Variants in ALOX12B observed in about 807,000 individuals in gnomAD.
ALOX12B encodes arachidonate 12-lipoxygenase, 12R type, also known as arachidonate 12-lipoxygenase, 12R-type.
In ALOX12B, 47 loss-of-function variants were observed where a neutral mutation model predicts 78.9. That is an observed-to-expected ratio of 0.60 (90% confidence interval 0.47 to 0.76). The LOEUF (loss-of-function observed/expected upper bound fraction) is 0.76. Ranked by LOEUF, ALOX12B falls within the 30% of genes least tolerant of loss-of-function variation. The pLI is 0.00. For missense variants in ALOX12B, 805 were observed against 922.6 expected (o/e 0.87, Z 1.65); for synonymous variants, 370 against 374.5 (o/e 0.99, Z 0.14).
chr17:8,075,433 G>A lies in ALOX12B; in HGVS notation c.1654+162C>T, dbSNP rs6503075. On this transcript the variant is annotated intron_variant, in intron 12 of 14. Coordinates refer to ENST00000647874, the MANE Select transcript of ALOX12B (RefSeq NM_001139.3). ...CTCTCTGAGATGCCACTGCTCCAGG[G>A]GCCAGAGAAGAGCCTGTCAAAATCC... Among the ~76,000 whole-genome samples, 72,307 of 151,966 alleles carry A rather than the reference G, an allele frequency of 0.48. 17,289 individuals are homozygous for A. The highest frequency in any genetic ancestry group is 0.56 in the South Asian group (2,684 of 4,822).
Position 8,073,735 on chromosome 17 carries a change from G to A in ALOX12B, c.1677C>T (p.Thr559=), listed in dbSNP as rs768375728. 6.2e-7 allele frequency: 1 copy of A among 1,614,088 alleles called. No homozygotes were observed. The highest frequency in any genetic ancestry group is 1.3e-5 in the African/African-American group (1 of 75,028). The stretch of plus-strand genomic sequence containing the variant: ...TGACATATCGGATCAGCTCAGGCAC[G>A]GTTCGCAAGCACCTAGGGAAGCCTG... ...ESSGFPRCLR[T]VPELIRYVTI... The change falls in exon 13 of 15, where the codon ACC becomes ACT. Residue 559 remains threonine (T), a synonymous_variant. Transcript: ENST00000647874.
intron 14 of ALOX12B, 53 bp downstream of exon 14, chr17:8,073,095 C>G (rs1977014820): frequency 5.0e-6 from 8 of 1,612,248 alleles, no homozygotes; most frequent in Non-Finnish European, 6.8e-6. Context: ...CCTCCCCCAT[C>G]CCCGGCTTCT....
In ALOX12B at chr17:8,079,862, G is replaced by T. The variant is rs1412946300; in HGVS notation, c.834C>A (p.Arg278=). The change falls in exon 7 of 15, where the codon CGC becomes CGA. Residue 278 remains arginine, a synonymous_variant. Transcript: ENST00000647874. This position sits in a 1 kb window ranked among gnomAD's most constrained non-coding sequence, Gnocchi z 6.4. ...YLNGVNPGLI[R]RCTRIPDKFP... ...ACTTGTCTGGGATCCGCGTGCAGCG[G>T]CGGATCAGGCCGGGGTTGACGCCGT... 6 of 1,613,558 alleles carry T rather than the reference G, an allele frequency of 3.7e-6. No homozygotes were observed. Among genetic ancestry groups the T allele is most frequent in the Non-Finnish European group, 5.1e-6 (6 of 1,179,954 alleles).
chr17:8,073,187 C>T lies in ALOX12B; in HGVS notation c.1887G>A (p.Leu629=). 2 of 1,614,222 alleles carry T rather than the reference C, an allele frequency of 1.2e-6. No homozygotes were observed. Among genetic ancestry groups the T allele is most frequent in the Non-Finnish European group, 1.7e-6 (2 of 1,180,040 alleles). The part of the protein sequence containing the change: ...LPDVKTTCIT[L]LVLWTLSREP... ...CTCGGCTGAGGGTCCAGAGCACCAG[C>T]AGCGTGATGCACGTGGTCTTCACAT... The change falls in exon 14 of 15, where the codon CTG becomes CTA. Residue 629 remains leucine (L), a synonymous_variant. Transcript: ENST00000647874.
In ALOX12B at chr17:8,077,162, A is replaced by T; in HGVS notation, c.1103T>A (p.Ile368Asn). Residue 368 changes from isoleucine (I) to asparagine (N), a missense_variant, in exon 9 of 15, where the codon ATC (isoleucine) becomes AAC (asparagine). Coordinates refer to ENST00000647874, the MANE Select transcript of ALOX12B (RefSeq NM_001139.3). ...CCACTCAGAATCACTGGGCAGGAAG[A>T]TGGGGCAATCTGGCCCAGGGGTCTG... ...LSQTPGPDCP[I>N]FLPSDSEWDW... 1 of 1,613,708 alleles carries T rather than the reference A, an allele frequency of 6.2e-7. No individual in the cohort carries two copies. Among genetic ancestry groups the T allele is most frequent in the Non-Finnish European group, 8.5e-7 (1 of 1,179,914 alleles).
chr17:8,083,931 GGCA>G (rs1453804715), intron 2 of ALOX12B, among the ~76,000 whole-genome samples: 2 of 152,122 alleles, frequency 1.3e-5, no homozygotes, highest in Admixed American at 1.3e-4. Context: ...GGCCAAGGCA[GGCA>G]GATCACAAGG....
Position 8,087,422 on chromosome 17 carries a change from C to T in ALOX12B, c.21G>A (p.Arg7=), listed in dbSNP as rs1402507687. MATYKV[R]VATGTDLLSG... ...ACAAGAGGTCGGTGCCTGTGGCCAC[C>T]CTGACTTTGTAGGTGGCCATGGCTG... is the stretch of plus-strand genomic sequence containing the variant. Residue 7 remains arginine, a synonymous_variant, in exon 1 of 15, where the codon AGG becomes AGA. Transcript: ENST00000647874. 1 of 1,614,196 alleles carries T rather than the reference C, an allele frequency of 6.2e-7. No individual in the cohort carries two copies. Among genetic ancestry groups the T allele is most frequent in the Admixed American group, 1.7e-5 (1 of 60,022 alleles).
intron 2 of ALOX12B, among the ~76,000 whole-genome samples, chr17:8,084,095 T>C (rs909520186): frequency 1.1e-4 from 16 of 151,954 alleles, no homozygotes; most frequent in African/African-American, 3.9e-4. Flanking sequence ...AAGGTGGAGG[T>C]TGCAGTGAGC....
chr17:8,083,183 A>G (rs1010675956), intron 2 of ALOX12B, among the ~76,000 whole-genome samples: 2 of 152,030 alleles, frequency 1.3e-5, no homozygotes, highest in Non-Finnish European at 2.9e-5. Flanking sequence ...AGATTTATAG[A>G]TGAAGATATA....
At chr17:8,073,365 G>C (rs370096167) in intron 13 of ALOX12B, 47 bp from the exon 14 acceptor site, 12 of 1,611,410 alleles carry the variant, frequency 7.4e-6, no homozygotes, top group Non-Finnish European at 5.1e-6. Flanking sequence ...AGTACCTCAG[G>C]AGTTTCCTTC....
At position 8,087,496 on chromosome 17, in the gene ALOX12B, C is replaced by A; in HGVS notation, c.-54G>T. On this transcript the variant is annotated 5_prime_UTR_variant, in exon 1 of 15. Transcript: ENST00000647874. ...CTCAGTCCCAGACACCGTGGAGGGG[C>A]CACACGAAGGCCCAAGGCAGGCAAG... 6.2e-7 allele frequency: 1 copy of A among 1,612,514 alleles called. No individual in the cohort carries two copies. The highest frequency in any genetic ancestry group is 8.5e-7 in the Non-Finnish European group (1 of 1,179,960).
intron 10 of ALOX12B, 112 bp downstream of exon 10, chr17:8,076,544 CT>C (rs1977086531): frequency 1.5e-6 from 2 of 1,345,940 alleles, no homozygotes; most frequent in East Asian, 2.5e-5. Flanking sequence ...AGCTCCCTCC[CT>C]TCATGCCCCC....
At chr17:8,081,960 T>C (rs932717848) in intron 2 of ALOX12B, among the ~76,000 whole-genome samples, 1 of 152,210 alleles carries the variant, frequency 6.6e-6, no homozygotes, top group Non-Finnish European at 1.5e-5. Flanking sequence ...ACACATTTTT[T>C]AACACCCATT....
chr17:8,078,938 C>T (rs894110488), intron 8 of ALOX12B, among the ~76,000 whole-genome samples: 1 of 148,638 alleles, frequency 6.7e-6, no homozygotes, highest in Non-Finnish European at 1.5e-5. Flanking sequence ...CGCTCTGTCG[C>T]CCAGAGCGAC....
intron 12 of ALOX12B, among the ~76,000 whole-genome samples, chr17:8,074,877 C>T (rs1752883693): frequency 6.6e-6 from 1 of 152,208 alleles, no homozygotes; most frequent in African/African-American, 2.4e-5. Context: ...AACTCTCCGT[C>T]CCCATCCTCA....
chr17:8,079,890 A>C lies in ALOX12B; in HGVS notation c.806T>G (p.Leu269Arg), dbSNP rs1224310187. The C allele has an allele frequency of 6.2e-7, 1 of 1,613,206 alleles. No individual in the cohort carries two copies. The highest frequency in any genetic ancestry group is 2.2e-5 in the East Asian group (1 of 44,868). ...AEDTFFGYQYLNGVNPGLIRR... is the reference protein window; with the variant it reads ...AEDTFFGYQYRNGVNPGLIRR... ...GATCAGGCCGGGGTTGACGCCGTTGAGGTACTGGTACCCAAAGAAGGTGTC... is the reference window on the plus strand; with the variant it reads ...GATCAGGCCGGGGTTGACGCCGTTGCGGTACTGGTACCCAAAGAAGGTGTC... The change falls in exon 7 of 15, where the codon CTC (leucine) becomes CGC (arginine). Residue 269 changes from leucine (L) to arginine (R), a missense_variant. Coordinates refer to ENST00000647874, the MANE Select transcript of ALOX12B (RefSeq NM_001139.3). This position sits in a 1 kb window ranked among gnomAD's most constrained non-coding sequence, Gnocchi z 6.4.
Position 8,079,386 on chromosome 17 carries a change from G to T in ALOX12B, c.1071+10C>A. On this transcript the variant is annotated intron_variant, in intron 8 of 14. Coordinates refer to ENST00000647874, the MANE Select transcript of ALOX12B (RefSeq NM_001139.3). The surrounding 1 kb of genome is among the most constrained non-coding windows in gnomAD (Gnocchi z 6.4). Reference sequence around the variant, plus strand: ...AGGCTCAGCGGCAGCGCCGCCTGCAGCCCAGGCACCTGGATGGCGATGGGC... The same window carrying T: ...AGGCTCAGCGGCAGCGCCGCCTGCATCCCAGGCACCTGGATGGCGATGGGC... 1 of 1,552,642 alleles carries T rather than the reference G, an allele frequency of 6.4e-7. No individual in the cohort carries two copies. The highest frequency in any genetic ancestry group is 1.4e-5 in the African/African-American group (1 of 73,412).
chr17:8,075,842 G>A, intron 11 of ALOX12B, 126 bp from the exon 12 acceptor site: 1 of 1,493,326 alleles, frequency 6.7e-7, no homozygotes, highest in Non-Finnish European at 9.3e-7. Context: ...CCTGTGGGAG[G>A]GCAAGTCCTG....
At chr17:8,085,918 C>T in intron 2 of ALOX12B, 98 bp downstream of exon 2, 1 of 1,438,122 alleles carries the variant, frequency 7.0e-7, no homozygotes, top group East Asian at 2.3e-5. Flanking sequence ...GGCTGGGCCC[C>T]CCTCTGGCTT....
Sources: gnomAD v4.1 joint callset for allele counts (sites outside exome capture counted in the v4.1 genomes callset) on GRCh38, gnomAD v4.1.1 for gene constraint, Gnocchi (gnomAD v3.1) non-coding constraint, MANE v1.5 for transcripts, NCBI Gene and HGNC (gene_info 2026-07-23, HGNC 2026-07-21) for gene names.